The following DPYD variants were observed in gnomAD, a reference collection of about 807,000 sequenced individuals.
DPYD encodes dihydropyrimidine dehydrogenase [NADP(+)].
A neutral mutation model predicts 116.2 loss-of-function variants in DPYD; 109 were observed. That is an observed-to-expected ratio of 0.94 (90% CI 0.80 to 1.10). The LOEUF (loss-of-function observed/expected upper bound fraction) is 1.10. DPYD is among the 50% of genes least tolerant of loss of function. DPYD has a pLI of 0.00. For missense variants in DPYD, 1,302 were observed against 1,254.5 expected, an observed-to-expected ratio of 1.04 and a Z score of -0.57; for synonymous variants, 440 against 432.0, an observed-to-expected ratio of 1.02 and a Z score of -0.23.
intron 3 of DPYD, among the ~76,000 whole-genome samples, chr1:97,760,324 C>A (rs1241858845): frequency 6.6e-6 from 1 of 152,060 alleles, no homozygotes; most frequent in East Asian, 1.9e-4. Context: ...CACAAACACA[C>A]CCCACATATA....
At chr1:97,692,976 C>G (rs1177898210) in intron 6 of DPYD, among the ~76,000 whole-genome samples, 1 of 152,002 alleles carries the variant, frequency 6.6e-6, no homozygotes, top group Non-Finnish European at 1.5e-5. Flanking sequence ...TATCAATCAG[C>G]AAGACATCAT....
At chr1:97,332,576 A>G (rs1470691089) in intron 16 of DPYD, among the ~76,000 whole-genome samples, 1 of 152,190 alleles carries the variant, frequency 6.6e-6, no homozygotes, top group Non-Finnish European at 1.5e-5. Context: ...ATGCTTGGGC[A>G]TGAATACAAT....
At position 97,573,782 on chromosome 1, in the gene DPYD, A is replaced by C. The variant is rs1225980179; in HGVS notation, c.1317T>G (p.Gly439=). 6.2e-7 allele frequency: 1 copy of C among 1,613,594 alleles called. No homozygotes were observed. Among genetic ancestry groups the C allele is most frequent in the South Asian group, 1.1e-5 (1 of 91,078 alleles). The change falls in exon 11 of 23, where the codon GGT becomes GGG. Residue 439 remains glycine (G), a synonymous_variant. Transcript: ENST00000370192. ...LKADVVISAF[G]SVLSDPKVKE... is the part of the protein sequence containing the mutation. ...TACCTTTAGGATCACTCAGAACTGA[A>C]CCAAAGGCACTGATGACCACATCGG...
chr1:97,294,166 A>G (rs1283228254), intron 18 of DPYD, among the ~76,000 whole-genome samples: 1 of 152,190 alleles, frequency 6.6e-6, no homozygotes, highest in East Asian at 1.9e-4. Context: ...GAGACTAATT[A>G]GGAACATTCC....
In DPYD at chr1:97,829,113, T is replaced by C. The variant is rs147835964; in HGVS notation, c.151-917A>G. On this transcript the variant is annotated intron_variant, in intron 2 of 22. Transcript: ENST00000370192. ...CTTATGGAATTTACTAGTATTTAGT[T>C]GATAAAATAACTAGATTTAGTGTAT... is the stretch of plus-strand genomic sequence containing the variant. Among the ~76,000 whole-genome samples, 408 of 151,942 alleles carry C rather than the reference T, an allele frequency of 2.7e-3. 6 individuals are homozygous for C. The highest frequency in any genetic ancestry group is 9.5e-3 in the African/African-American group (393 of 41,532).
intron 16 of DPYD, among the ~76,000 whole-genome samples, chr1:97,338,054 G>C (rs116234142): frequency 1.3e-5 from 2 of 151,956 alleles, no homozygotes; most frequent in Non-Finnish European, 2.9e-5. Context: ...TGCTAAATGT[G>C]TCTGTTATTA....
rs1660673889 is a variant in DPYD, at chr1:97,219,947, T to C, written c.2442+14905A>G. Among the ~76,000 whole-genome samples the C allele has an allele frequency of 3.3e-5, 5 of 152,294 alleles. 2 individuals are homozygous for C. The highest frequency in any genetic ancestry group is 2.4e-5 in the African/African-American group (1 of 41,560). ...TCAGTATGTCTTGCCATGCCTGAAA[T>C]AGGCCATATTTGCTCACTTGTATAA... On this transcript the variant is annotated intron_variant, in intron 19 of 22. Coordinates refer to ENST00000370192, the MANE Select transcript of DPYD (RefSeq NM_000110.4).
At chr1:97,085,783 C>A (rs888047967) in intron 21 of DPYD, among the ~76,000 whole-genome samples, 2 of 152,086 alleles carry the variant, frequency 1.3e-5, no homozygotes, top group African/African-American at 2.4e-5. Context: ...GATCAGGGAA[C>A]CCATATTCAT....
chr1:97,872,441 T>C (rs962494829), intron 2 of DPYD, among the ~76,000 whole-genome samples: 4 of 151,958 alleles, frequency 2.6e-5, no homozygotes, highest in Non-Finnish European at 4.4e-5. Context: ...GTGTGTCACA[T>C]GGATGTGGAG....
intron 3 of DPYD, among the ~76,000 whole-genome samples, chr1:97,773,356 G>C (rs1666237097): frequency 6.6e-6 from 1 of 152,052 alleles, no homozygotes; most frequent in Admixed American, 6.6e-5. Flanking sequence ...TAGTAAATAA[G>C]TTTAATTCAT....
chr1:97,752,442 T>C (rs1296768033), intron 3 of DPYD, among the ~76,000 whole-genome samples: 1 of 152,202 alleles, frequency 6.6e-6, no homozygotes, highest in East Asian at 1.9e-4. Flanking sequence ...CGAATTTTTT[T>C]CTAAAGTTTT....
At chr1:97,887,469 T>A (rs1672555422) in intron 1 of DPYD, among the ~76,000 whole-genome samples, 1 of 47,150 alleles carries the variant, frequency 2.1e-5, no homozygotes, top group African/African-American at 8.4e-5. Flanking sequence ...GACTCTGCAT[T>A]AAAAAAAAAA....
intron 3 of DPYD, among the ~76,000 whole-genome samples, chr1:97,825,032 A>G (rs1669164627): frequency 6.6e-6 from 1 of 152,082 alleles, no homozygotes; most frequent in Admixed American, 6.5e-5. Flanking sequence ...CCAAATCTTC[A>G]CTAATCCTCT....
chr1:97,188,989 T>C (rs186921750), intron 20 of DPYD, among the ~76,000 whole-genome samples: 1 of 152,354 alleles, frequency 6.6e-6, no homozygotes. Context: ...TCTTTTCTGA[T>C]GTAATGGAAA....
chr1:97,837,813 T>A (rs1669842154), intron 2 of DPYD, among the ~76,000 whole-genome samples: 1 of 152,142 alleles, frequency 6.6e-6, no homozygotes, highest in Non-Finnish European at 1.5e-5. Context: ...AAATATTAAT[T>A]AGGTAAAAAT....
chr1:97,645,516 T>C (rs1442242145), intron 8 of DPYD, among the ~76,000 whole-genome samples: 1 of 152,154 alleles, frequency 6.6e-6, no homozygotes, highest in Non-Finnish European at 1.5e-5. Context: ...CTACACTGAT[T>C]TCAAATGCTA....
intron 3 of DPYD, among the ~76,000 whole-genome samples, chr1:97,792,938 C>T (rs951582127): frequency 5.3e-5 from 8 of 152,042 alleles, no homozygotes; most frequent in African/African-American, 1.9e-4. Context: ...AATTTGGTAT[C>T]CTGGATGGAA....
At chr1:97,296,470 T>C (rs577852232) in intron 18 of DPYD, among the ~76,000 whole-genome samples, 73 of 152,272 alleles carry the variant, frequency 4.8e-4, no homozygotes, top group African/African-American at 1.5e-3. Flanking sequence ...TTAAGAATAA[T>C]ATGTCTCGAT....
At chr1:97,312,842 T>G (rs1399433275) in intron 16 of DPYD, among the ~76,000 whole-genome samples, 1 of 151,886 alleles carries the variant, frequency 6.6e-6, no homozygotes, top group Non-Finnish European at 1.5e-5. Flanking sequence ...TACTTAAGTG[T>G]GTTCATGCTA....
Sources: allele counts gnomAD v4.1 joint callset (sites outside exome capture counted in the v4.1 genomes callset), GRCh38; gene constraint gnomAD v4.1.1; transcripts MANE v1.5; gene names NCBI Gene and HGNC (gene_info 2026-07-23, HGNC 2026-07-21).